Variants in ACACA observed in about 807,000 individuals in gnomAD.
ACACA encodes acetyl-CoA carboxylase alpha.
Under a neutral mutation model 296.1 loss-of-function variants are expected in ACACA, and 103 were observed. That is an observed-to-expected ratio of 0.35 (90% confidence interval 0.30 to 0.41). The LOEUF is 0.41. ACACA is among the 10% of genes least tolerant of loss of function. The probability of loss-of-function intolerance (pLI) is 1.00; values close to 1 mark genes in which losing one functional copy is unlikely to be tolerated. For missense variants in ACACA, 1,554 were observed against 2,989.7 expected, an observed-to-expected ratio of 0.52 and a Z score of 11.20; for synonymous variants, 953 against 1,038.6, an observed-to-expected ratio of 0.92 and a Z score of 1.58.
intron 2 of ACACA, among the ~76,000 whole-genome samples, chr17:37,330,937 G>T (rs985746898): frequency 4.6e-5 from 7 of 151,922 alleles, no homozygotes; most frequent in Admixed American, 3.9e-4. Context: ...TTGAGACAGG[G>T]TCTCACTCTG....
Position 37,331,772 on chromosome 17 carries a change from G to C in ACACA, c.86-1347C>G, listed in dbSNP as rs2047896636. Among the ~76,000 whole-genome samples the C allele has an allele frequency of 2.0e-5, 3 of 151,654 alleles. No individual in the cohort carries two copies. In the South Asian group the frequency reaches 6.2e-4, roughly 32 times the overall value. On this transcript the variant is annotated intron_variant, in intron 2 of 55. Transcript: ENST00000616317. ...GCCTAGGCTGGTCTTGAACTCCTGG[G>C]CTCAAGCAATCCTCTCACCTTAGGC...
intron 31 of ACACA, 66 bp downstream of exon 31, chr17:37,207,591 G>T (rs1426288825): frequency 1.3e-6 from 2 of 1,592,326 alleles, no homozygotes; most frequent in African/African-American, 2.7e-5. Context: ...TTTGCAGAAA[G>T]ATGAGACCCC....
chr17:37,111,652 G>A lies in ACACA; in HGVS notation c.6453-9C>T. On this transcript the variant is annotated splice_polypyrimidine_tract_variant and intron_variant, in intron 51 of 55. Coordinates refer to ENST00000616317, the MANE Select transcript of ACACA (RefSeq NM_198834.3). Reference sequence around the variant, plus strand: ...GCTCCAGAACAGATCCCCTGGATCAGAAAGAAAGAAAAAACAAAACAGAAA... The same window carrying A: ...GCTCCAGAACAGATCCCCTGGATCAAAAAGAAAGAAAAAACAAAACAGAAA... The A allele has an allele frequency of 6.2e-7, 1 of 1,603,806 alleles. No homozygotes were observed. The highest frequency in any genetic ancestry group is 1.1e-5 in the South Asian group (1 of 90,850).
At chr17:37,142,436 T>C (rs140171452) in intron 45 of ACACA, among the ~76,000 whole-genome samples, 67 of 152,306 alleles carry the variant, frequency 4.4e-4, no homozygotes, top group African/African-American at 1.4e-3. Context: ...TTACCAATAT[T>C]TTATGTGTGG....
At chr17:37,324,381 A>G (rs563167748) in intron 3 of ACACA, among the ~76,000 whole-genome samples, 11 of 149,592 alleles carry the variant, frequency 7.4e-5, no homozygotes, top group Admixed American at 7.3e-4. Context: ...AAATTAATAA[A>G]TAAGCCAGGT....
intron 33 of ACACA, among the ~76,000 whole-genome samples, chr17:37,203,159 A>G (rs1050514844): frequency 6.6e-6 from 1 of 151,850 alleles, no homozygotes; most frequent in South Asian, 2.1e-4. Flanking sequence ...ACGGGGTTTC[A>G]CCATATTGGC....
At chr17:37,126,631 G>A (rs1198756370) in intron 47 of ACACA, among the ~76,000 whole-genome samples, 1 of 152,088 alleles carries the variant, frequency 6.6e-6, no homozygotes, top group Non-Finnish European at 1.5e-5. Flanking sequence ...TTTGAACATG[G>A]CCCTCCACCC....
At position 37,241,964 on chromosome 17, in the gene ACACA, C is replaced by G; in HGVS notation, c.3021G>C (p.Gln1007His). The change falls in exon 23 of 56, where the codon CAG (glutamine) becomes CAC (histidine). Residue 1007 changes from glutamine (Q) to histidine (H), a missense_variant. Gln to His is a conservative substitution (Grantham distance 24, BLOSUM62 0). This residue lies in a region of ACACA where 316 missense variants were observed against 540.9 expected (regional missense o/e 0.58). Transcript: ENST00000616317. ...VFFMNTQSIVQLVQRYRSGIR... is the reference protein window; with the variant it reads ...VFFMNTQSIVHLVQRYRSGIR... ...TTACAAGTTACTACCTCTGTACCAG[C>G]TGAACAATGCTCTGAGTATTCATAA... 1.2e-6 allele frequency: 2 copies of G among 1,613,396 alleles called. No individual in the cohort carries two copies. Among genetic ancestry groups the G allele is most frequent in the Non-Finnish European group, 1.7e-6 (2 of 1,179,542 alleles).
At chr17:37,386,021 G>A (rs1377570280) in intron 1 of ACACA, 7 of 1,588,528 alleles carry the variant, frequency 4.4e-6, no homozygotes, top group African/African-American at 1.3e-5. Context: ...TTTTTACCAG[G>A]GATCTCACAA....
chr17:37,270,974 T>C, intron 9 of ACACA, 113 bp from the exon 10 acceptor site: 1 of 769,582 alleles, frequency 1.3e-6, no homozygotes. Flanking sequence ...CTAAATACAA[T>C]AAAATAGAAA....
chr17:37,175,181 A>C (rs1289520209), intron 41 of ACACA, among the ~76,000 whole-genome samples: 1 of 152,222 alleles, frequency 6.6e-6, no homozygotes, highest in Non-Finnish European at 1.5e-5. Flanking sequence ...AAAAAGAAAT[A>C]AAATAAAAGA....
intron 43 of ACACA, among the ~76,000 whole-genome samples, chr17:37,152,315 G>A (rs1567728887): frequency 6.6e-6 from 1 of 152,186 alleles, no homozygotes; most frequent in Non-Finnish European, 1.5e-5. Flanking sequence ...CAAGGTCAAT[G>A]TATATCTCTA....
chr17:37,149,406 G>A (rs2075949231), intron 45 of ACACA, among the ~76,000 whole-genome samples: 1 of 152,180 alleles, frequency 6.6e-6, no homozygotes, highest in Non-Finnish European at 1.5e-5. Flanking sequence ...AATTCATGAT[G>A]TAGGCCTGAA....
chr17:37,315,979 C>A (rs963065984), intron 3 of ACACA, among the ~76,000 whole-genome samples: 1 of 152,120 alleles, frequency 6.6e-6, no homozygotes, highest in African/African-American at 2.4e-5. Context: ...GGTTAACAGA[C>A]CCCAGCCTGA....
At chr17:37,390,693 T>G (rs1245979771) in intron 1 of ACACA, among the ~76,000 whole-genome samples, 1 of 149,146 alleles carries the variant, frequency 6.7e-6, no homozygotes, top group South Asian at 2.1e-4. Context: ...CTTGGGAGGC[T>G]GAGGTGGGAG....
chr17:37,206,726 C>T (rs2078517017), intron 32 of ACACA, 57 bp downstream of exon 32: 7 of 1,340,896 alleles, frequency 5.2e-6, no homozygotes, highest in Non-Finnish European at 6.4e-6. Flanking sequence ...AGATAGTATA[C>T]AGTAGAAGTC....
intron 47 of ACACA, among the ~76,000 whole-genome samples, chr17:37,127,879 G>C (rs1408324907): frequency 6.8e-6 from 1 of 147,536 alleles, no homozygotes; most frequent in Non-Finnish European, 1.5e-5. Flanking sequence ...AAAAAAGACT[G>C]ACAGGTAATC....
intron 1 of ACACA, among the ~76,000 whole-genome samples, chr17:37,374,991 T>A (rs1013514197): frequency 1.3e-5 from 2 of 151,246 alleles, no homozygotes; most frequent in African/African-American, 4.9e-5. Flanking sequence ...AGGTCAGGAG[T>A]TCGAGACCAG....
chr17:37,293,192 C>T (rs1392081651), intron 3 of ACACA, among the ~76,000 whole-genome samples: 2 of 152,124 alleles, frequency 1.3e-5, no homozygotes, highest in Non-Finnish European at 1.5e-5. Flanking sequence ...CCCTCCTTAC[C>T]GGTTCCTTAC....
Sources: gnomAD v4.1 joint callset for allele counts (sites outside exome capture counted in the v4.1 genomes callset) on GRCh38, gnomAD v4.1.1 for gene constraint, gnomAD v4.1.1 regional missense constraint, MANE v1.5 for transcripts, NCBI Gene and HGNC (gene_info 2026-07-23, HGNC 2026-07-21) for gene names.